The following IGF2BP3 variants were observed in gnomAD, a reference collection of about 807,000 sequenced individuals.
IGF2BP3 encodes insulin-like growth factor 2 mRNA-binding protein 3.
IGF2BP3 carries 9 observed loss-of-function variants against 73.8 expected under a neutral mutation model. The observed-to-expected ratio is 0.12, with a 90% CI of 0.07 to 0.21. The LOEUF is 0.21. Among genes scored for constraint, IGF2BP3 ranks in the 10% least tolerant of loss-of-function variants. The pLI, the probability that IGF2BP3 is intolerant of heterozygous loss-of-function variation, is 1.00. For missense variants in IGF2BP3, 542 were observed against 714.0 expected (o/e 0.76, Z 2.75); for synonymous variants, 258 against 256.7 (o/e 1.01, Z -0.05).
intron 2 of IGF2BP3, among the ~76,000 whole-genome samples, chr7:23,455,286 C>T (rs1788290289): frequency 6.6e-6 from 1 of 152,206 alleles, no homozygotes; most frequent in Non-Finnish European, 1.5e-5. Context: ...CCTCACACTC[C>T]AGCCTCTTTA....
chr7:23,360,656 T>A (rs943745763), intron 5 of IGF2BP3, among the ~76,000 whole-genome samples: 2 of 152,234 alleles, frequency 1.3e-5, no homozygotes, highest in South Asian at 4.1e-4. Context: ...CTGCCTATAG[T>A]AACCTAGCTG....
At chr7:23,371,788 C>G (rs976271977) in intron 3 of IGF2BP3, among the ~76,000 whole-genome samples, 2 of 152,160 alleles carry the variant, frequency 1.3e-5, no homozygotes, top group African/African-American at 4.8e-5. Context: ...GTTAGATCCT[C>G]TAACATGGGG....
intron 3 of IGF2BP3, among the ~76,000 whole-genome samples, chr7:23,364,995 A>G (rs934037528): frequency 6.6e-6 from 1 of 152,112 alleles, no homozygotes; most frequent in Non-Finnish European, 1.5e-5. Flanking sequence ...GTGAAACCCC[A>G]TACCTACTAA....
At chr7:23,408,086 A>C (rs953516569) in intron 3 of IGF2BP3, among the ~76,000 whole-genome samples, 1 of 152,164 alleles carries the variant, frequency 6.6e-6, no homozygotes, top group Non-Finnish European at 1.5e-5. Flanking sequence ...AACAAACTAG[A>C]AACAGAAGGC....
intron 3 of IGF2BP3, among the ~76,000 whole-genome samples, chr7:23,371,179 C>A (rs1376316659): frequency 6.8e-6 from 1 of 147,170 alleles, no homozygotes; most frequent in Non-Finnish European, 1.5e-5. Context: ...ACACACACAC[C>A]CTTCCAAGCA....
chr7:23,455,345 T>C (rs1182011326), intron 2 of IGF2BP3, among the ~76,000 whole-genome samples: 1 of 152,160 alleles, frequency 6.6e-6, no homozygotes, highest in Non-Finnish European at 1.5e-5. Flanking sequence ...TGTTTCACAC[T>C]TACATGAGGT....
At chr7:23,397,818 C>T (rs1163997572) in intron 3 of IGF2BP3, among the ~76,000 whole-genome samples, 1 of 152,146 alleles carries the variant, frequency 6.6e-6, no homozygotes, top group African/African-American at 2.4e-5. Flanking sequence ...CCTCCTAATG[C>T]TTAAAAACTG....
At chr7:23,421,511 G>A in intron 2 of IGF2BP3, among the ~76,000 whole-genome samples, 1 of 150,984 alleles carries the variant, frequency 6.6e-6, no homozygotes, top group Non-Finnish European at 1.5e-5. Flanking sequence ...TGACCAACAT[G>A]GAGAAACCCC....
intron 3 of IGF2BP3, among the ~76,000 whole-genome samples, chr7:23,393,613 G>A (rs948626307): frequency 1.3e-5 from 2 of 152,208 alleles, no homozygotes; most frequent in African/African-American, 4.8e-5. Flanking sequence ...TTTCTCAGAC[G>A]ATGAACCATT....
At chr7:23,396,659 A>AGAATC (rs1050756172) in intron 3 of IGF2BP3, 4 of 151,936 alleles carry the variant, frequency 2.6e-5, no homozygotes, top group African/African-American at 9.7e-5. Flanking sequence ...TGGTGAGAAT[A>AGAATC]AAGAAAGATG....
intron 8 of IGF2BP3, among the ~76,000 whole-genome samples, chr7:23,344,201 A>C (rs906164776): frequency 3.9e-5 from 6 of 152,246 alleles, no homozygotes; most frequent in Non-Finnish European, 5.9e-5. Context: ...AAAGATGTAT[A>C]GTTTTTGAGG....
chr7:23,386,111 G>A (rs1325933614), intron 3 of IGF2BP3, among the ~76,000 whole-genome samples: 1 of 152,200 alleles, frequency 6.6e-6, no homozygotes, highest in Non-Finnish European at 1.5e-5. Flanking sequence ...GCTGATAATT[G>A]AAGTTAGGGG....
rs149038713 is a variant in IGF2BP3, at chr7:23,312,822, A to G, written c.1554T>C (p.Ser518=). The G allele has an allele frequency of 4.5e-4, 727 of 1,610,068 alleles. No homozygotes were observed. Among genetic ancestry groups the G allele is most frequent in the Non-Finnish European group, 5.5e-4 (643 of 1,178,902 alleles). The part of the protein sequence containing the change: ...KTVNELQNLS[S]AEVVVPRDQT... ...GGTCACGAGGGACAACAACTTCTGC[A>G]CTTGACAAATTCTGAAGTTCATTCA... Residue 518 remains serine (S), a synonymous_variant, in exon 14 of 15, where the codon AGT becomes AGC. Coordinates refer to ENST00000258729, the MANE Select transcript of IGF2BP3 (RefSeq NM_006547.3).
At chr7:23,343,249 T>C (rs1383231413) in intron 9 of IGF2BP3, among the ~76,000 whole-genome samples, 2 of 152,206 alleles carry the variant, frequency 1.3e-5, no homozygotes, top group African/African-American at 2.4e-5. Context: ...ATATCTATTG[T>C]AATCCTAATA....
chr7:23,442,691 C>G (rs374574400), intron 2 of IGF2BP3, among the ~76,000 whole-genome samples: 1 of 152,098 alleles, frequency 6.6e-6, no homozygotes, highest in African/African-American at 2.4e-5. Flanking sequence ...AGCTACCGAG[C>G]CCAGTCTGTT....
chr7:23,398,079 C>T (rs1190571243), intron 3 of IGF2BP3, among the ~76,000 whole-genome samples: 1 of 134,578 alleles, frequency 7.4e-6, no homozygotes, highest in Non-Finnish European at 1.6e-5. Flanking sequence ...CACCCCACAA[C>T]AGTCCCCAGA....
chr7:23,313,528 GCCT>G lies in IGF2BP3; in HGVS notation c.1518_1520del (p.Gly507del). On this transcript the variant is annotated inframe_deletion, in exon 13 of 15. Transcript: ENST00000258729. ...GTTTTGCTGAAGTACTTGCCGTTTT[GCCT>G]CCTTTTCCAATAACTCTGCCAGCAG... The G allele has an allele frequency of 6.2e-7, 1 of 1,613,714 alleles. No individual in the cohort carries two copies. The highest frequency in any genetic ancestry group is 8.5e-7 in the Non-Finnish European group (1 of 1,179,970).
intron 5 of IGF2BP3, among the ~76,000 whole-genome samples, chr7:23,357,837 T>C (rs1323096778): frequency 1.3e-5 from 2 of 152,238 alleles, no homozygotes; most frequent in Non-Finnish European, 2.9e-5. Flanking sequence ...AGTTCTGTCT[T>C]AAAGATACAG....
intron 6 of IGF2BP3, 48 bp downstream of exon 6, chr7:23,351,257 T>G (rs767199191): frequency 6.2e-7 from 1 of 1,601,846 alleles, no homozygotes. Context: ...TTACTAAGAT[T>G]CCAAGGGGAA....
Sources: allele counts gnomAD v4.1 joint callset (sites outside exome capture counted in the v4.1 genomes callset), GRCh38; gene constraint gnomAD v4.1.1; transcripts MANE v1.5; gene names NCBI Gene and HGNC (gene_info 2026-07-23, HGNC 2026-07-21).